EPHB1: variants seen among roughly 807,000 people sequenced by gnomAD.
The protein encoded by EPHB1 is ephrin type-B receptor 1.
EPHB1 carries 30 observed loss-of-function variants against 94.4 expected under a neutral mutation model. That is an observed-to-expected ratio of 0.32 (90% confidence interval 0.24 to 0.43). The LOEUF is 0.43. Among genes scored for constraint, EPHB1 ranks in the 20% least tolerant of loss-of-function variants. EPHB1 has a pLI of 1.00. For missense variants in EPHB1, 1,055 were observed against 1,308.3 expected (o/e 0.81, Z 2.99); for synonymous variants, 522 against 489.1 (o/e 1.07, Z -0.89).
intron 2 of EPHB1, among the ~76,000 whole-genome samples, chr3:134,938,917 G>A (rs1372205909): frequency 1.2e-4 from 19 of 152,216 alleles, no homozygotes; most frequent in Non-Finnish European, 2.9e-5. Context: ...AACTTACCCC[G>A]GGCTAAGCTG....
At chr3:134,806,296 T>C (rs1406296690) in intron 1 of EPHB1, among the ~76,000 whole-genome samples, 3 of 152,228 alleles carry the variant, frequency 2.0e-5, no homozygotes, top group Non-Finnish European at 4.4e-5. Context: ...TAGCTCTCTC[T>C]GTTTCTCCTG....
At chr3:134,956,194 G>A (rs1189371040) in intron 3 of EPHB1, among the ~76,000 whole-genome samples, 1 of 152,118 alleles carries the variant, frequency 6.6e-6, no homozygotes, top group Non-Finnish European at 1.5e-5. Flanking sequence ...GACCATGGGG[G>A]TGTCTCAGAA....
At chr3:135,172,522 T>C (rs1368977416) in intron 9 of EPHB1, among the ~76,000 whole-genome samples, 1 of 152,240 alleles carries the variant, frequency 6.6e-6, no homozygotes, top group Non-Finnish European at 1.5e-5. Context: ...GAAGCATGTC[T>C]AGTTCCAAGA....
At chr3:134,899,134 G>T (rs2038147485) in intron 1 of EPHB1, among the ~76,000 whole-genome samples, 2 of 152,138 alleles carry the variant, frequency 1.3e-5, no homozygotes, top group African/African-American at 4.8e-5. Flanking sequence ...GGATTCATGG[G>T]CTTTTCACAC....
At chr3:135,218,902 G>A (rs1455745969) in intron 12 of EPHB1, among the ~76,000 whole-genome samples, 2 of 152,218 alleles carry the variant, frequency 1.3e-5, no homozygotes, top group South Asian at 2.1e-4. Context: ...GCCCAAGGAC[G>A]AAAAGGGGTT....
At chr3:135,008,635 G>C (rs1935510214) in intron 3 of EPHB1, among the ~76,000 whole-genome samples, 1 of 152,240 alleles carries the variant, frequency 6.6e-6, no homozygotes. Flanking sequence ...CAAAATGGGA[G>C]AGGTGAAAAT....
intron 15 of EPHB1, among the ~76,000 whole-genome samples, chr3:135,257,532 G>C (rs971661421): frequency 2.0e-5 from 3 of 152,122 alleles, no homozygotes; most frequent in Non-Finnish European, 4.4e-5. Flanking sequence ...GTTGCTGGGG[G>C]GGTCAGGGGT....
chr3:134,826,115 G>T (rs1033142762), intron 1 of EPHB1, among the ~76,000 whole-genome samples: 2 of 151,530 alleles, frequency 1.3e-5, no homozygotes, highest in African/African-American at 4.9e-5. Flanking sequence ...AGCCGAGTGT[G>T]GTGAAGCATA....
intron 12 of EPHB1, among the ~76,000 whole-genome samples, chr3:135,208,292 TGTGTGTGTGTG>T (rs1559875508): frequency 0.018 from 1,956 of 108,992 alleles, 31 homozygotes; most frequent in East Asian, 0.043. Flanking sequence ...TTTCATGACG[TGTGTGTGTGTG>T]TGTGTGTGTG....
rs139024258 is a variant in EPHB1, at chr3:135,054,297, C to T, written c.806-52151C>T. 4.4e-3 allele frequency among the ~76,000 whole-genome samples: 663 copies of T among 152,198 alleles called. 6 individuals carry two copies. Among genetic ancestry groups the T allele is most frequent in the African/African-American group, 0.015 (633 of 41,500 alleles). ...TTTGGACTTGAACTGTAACTCTTCC[C>T]TGGGTCTTCAGCCTGCCAGCCTACT... On this transcript the variant is annotated intron_variant, in intron 3 of 15. Coordinates refer to ENST00000398015, the MANE Select transcript of EPHB1 (RefSeq NM_004441.5).
intron 3 of EPHB1, among the ~76,000 whole-genome samples, chr3:135,053,256 T>G (rs906407241): frequency 6.6e-6 from 1 of 151,774 alleles, no homozygotes; most frequent in South Asian, 2.1e-4. Flanking sequence ...ATATCCTGAC[T>G]TGATCATCAC....
intron 13 of EPHB1, among the ~76,000 whole-genome samples, chr3:135,246,055 G>T (rs1943915743): frequency 6.6e-6 from 1 of 152,156 alleles, no homozygotes; most frequent in South Asian, 2.1e-4. Context: ...AGGTGGTAAA[G>T]CTGTCTTGTC....
At chr3:134,832,252 A>G (rs2036594854) in intron 1 of EPHB1, among the ~76,000 whole-genome samples, 1 of 152,238 alleles carries the variant, frequency 6.6e-6, no homozygotes, top group African/African-American at 2.4e-5. Context: ...TCAACATGCA[A>G]GACAGAGCTG....
chr3:134,947,215 A>G (rs1264168544), intron 2 of EPHB1, among the ~76,000 whole-genome samples: 1 of 152,212 alleles, frequency 6.6e-6, no homozygotes, highest in Non-Finnish European at 1.5e-5. Context: ...ATATAAAGCA[A>G]TGAGACTGAT....
At chr3:135,051,799 G>A (rs1937176982) in intron 3 of EPHB1, among the ~76,000 whole-genome samples, 1 of 152,126 alleles carries the variant, frequency 6.6e-6, no homozygotes. Flanking sequence ...AGGCAGACTG[G>A]AGGCATTACC....
intron 3 of EPHB1, among the ~76,000 whole-genome samples, chr3:135,051,697 A>G (rs1334489379): frequency 6.6e-6 from 1 of 152,266 alleles, no homozygotes; most frequent in African/African-American, 2.4e-5. Flanking sequence ...AAATGATTGC[A>G]TTAAGTATTG....
chr3:134,909,488 A>G (rs1428105941), intron 1 of EPHB1, among the ~76,000 whole-genome samples: 1 of 152,188 alleles, frequency 6.6e-6, no homozygotes, highest in East Asian at 1.9e-4. Context: ...AGGTTCTGAA[A>G]TGCGAGCCAG....
At chr3:135,075,429 C>T (rs1408077508) in intron 3 of EPHB1, among the ~76,000 whole-genome samples, 1 of 152,158 alleles carries the variant, frequency 6.6e-6, no homozygotes, top group Non-Finnish European at 1.5e-5. Context: ...TTACAGGGCC[C>T]CCATTTCCCC....
intron 1 of EPHB1, among the ~76,000 whole-genome samples, chr3:134,802,545 G>A (rs2035955681): frequency 6.6e-6 from 1 of 152,070 alleles, no homozygotes. Context: ...AGAAGGCTAA[G>A]TGCCCTCCAT....
Sources: allele counts gnomAD v4.1 joint callset (sites outside exome capture counted in the v4.1 genomes callset), GRCh38; gene constraint gnomAD v4.1.1; transcripts MANE v1.5; gene names NCBI Gene and HGNC (gene_info 2026-07-23, HGNC 2026-07-21).